Variants in DRC8 observed in about 807,000 individuals in gnomAD.
The protein encoded by DRC8 is dynein regulatory complex subunit 8.
the DRC8 span, chr1:245,082,059 G>A: frequency 6.4e-7 from 1 of 1,561,300 alleles, no homozygotes; most frequent in African/African-American, 1.3e-5. Context: ...TGACTAAATG[G>A]CTATTTACTT....
the DRC8 span, among the ~76,000 whole-genome samples, chr1:245,001,356 A>G: frequency 1.1e-4 from 17 of 152,282 alleles, no homozygotes; most frequent in Non-Finnish European, 1.2e-4. Flanking sequence ...GCCATGTTAT[A>G]CTAATACAGT....
the DRC8 span, among the ~76,000 whole-genome samples, chr1:245,100,495 C>T: frequency 6.6e-6 from 1 of 151,774 alleles, no homozygotes; most frequent in South Asian, 2.1e-4. Flanking sequence ...AAATACTATA[C>T]AGAGGCCTGG....
the DRC8 span, among the ~76,000 whole-genome samples, chr1:244,997,518 G>A: frequency 2.7e-5 from 4 of 146,348 alleles, no homozygotes; most frequent in African/African-American, 1.0e-4. Flanking sequence ...TTTGAAATTC[G>A]TGCCATCTTT....
chr1:245,057,521 T>G, the DRC8 span, among the ~76,000 whole-genome samples: 1 of 152,224 alleles, frequency 6.6e-6, no homozygotes, highest in African/African-American at 2.4e-5. Context: ...TGACAGTACA[T>G]TTCCATTTGC....
the DRC8 span, among the ~76,000 whole-genome samples, chr1:245,115,611 A>G: frequency 0.093 from 14,173 of 152,244 alleles, 901 homozygotes; most frequent in Admixed American, 0.2. Context: ...TTCCTTGAGC[A>G]TGGCACACCA....
the DRC8 span, chr1:245,122,673 G>A: frequency 6.6e-6 from 1 of 152,062 alleles, no homozygotes; most frequent in Non-Finnish European, 1.5e-5. Context: ...ATGTTGCTTA[G>A]GCTGGTCTCA....
chr1:245,099,220 C>A, the DRC8 span, among the ~76,000 whole-genome samples: 1 of 152,168 alleles, frequency 6.6e-6, no homozygotes, highest in South Asian at 2.1e-4. Flanking sequence ...CCTCCCCAGT[C>A]CACTGCTCCG....
At chr1:244,985,207 A>G in the DRC8 span, among the ~76,000 whole-genome samples, 23 of 151,904 alleles carry the variant, frequency 1.5e-4, no homozygotes, top group East Asian at 4.3e-3. Context: ...TAGCCTGCGC[A>G]CATATTGTTT....
the DRC8 span, chr1:245,086,951 C>T: frequency 1.9e-6 from 1 of 514,474 alleles, no homozygotes; most frequent in Non-Finnish European, 3.8e-6. Flanking sequence ...AATAAATAAC[C>T]TTGTTCATGA....
At chr1:244,978,632 G>A in the DRC8 span, among the ~76,000 whole-genome samples, 1 of 152,116 alleles carries the variant, frequency 6.6e-6, no homozygotes, top group Non-Finnish European at 1.5e-5. Flanking sequence ...TGGGACTGCA[G>A]GGGCGTGCCA....
the DRC8 span, among the ~76,000 whole-genome samples, chr1:245,039,810 A>G: frequency 6.6e-6 from 1 of 152,180 alleles, no homozygotes; most frequent in African/African-American, 2.4e-5. Context: ...AGATTGAGCC[A>G]GTATATTTTT....
chr1:244,970,678 C>A, the DRC8 span: 74 of 496,284 alleles, frequency 1.5e-4, no homozygotes, highest in Non-Finnish European at 3.8e-5. Flanking sequence ...CGCCCCGCCC[C>A]GCCTCTCTCC....
the DRC8 span, among the ~76,000 whole-genome samples, chr1:245,059,068 G>A: frequency 6.6e-6 from 1 of 152,204 alleles, no homozygotes; most frequent in Non-Finnish European, 1.5e-5. Context: ...CATTTTACAG[G>A]TGTGGAAACT....
At chr1:245,075,913 G>GT in the DRC8 span, among the ~76,000 whole-genome samples, 1 of 152,076 alleles carries the variant, frequency 6.6e-6, no homozygotes, top group Non-Finnish European at 1.5e-5. Flanking sequence ...CTTTTTTTCA[G>GT]TCCAAAGAGG....
chr1:244,975,300 C>T, the DRC8 span, among the ~76,000 whole-genome samples: 2 of 152,222 alleles, frequency 1.3e-5, no homozygotes, highest in Non-Finnish European at 2.9e-5. Context: ...CATGAGCCAC[C>T]CTGCCTGGCC....
the DRC8 span, among the ~76,000 whole-genome samples, chr1:245,067,729 C>T: frequency 6.6e-6 from 1 of 152,160 alleles, no homozygotes; most frequent in Non-Finnish European, 1.5e-5. Flanking sequence ...TGTGCCTGGA[C>T]TCTATCATTG....
At chr1:245,095,958 A>G in the DRC8 span, among the ~76,000 whole-genome samples, 1 of 152,170 alleles carries the variant, frequency 6.6e-6, no homozygotes, top group East Asian at 1.9e-4. Flanking sequence ...TTGCAATTAG[A>G]TAGGGAAAAA....
At chr1:245,080,315 T>C in the DRC8 span, among the ~76,000 whole-genome samples, 1 of 152,158 alleles carries the variant, frequency 6.6e-6, no homozygotes, top group Non-Finnish European at 1.5e-5. Flanking sequence ...TCCATCCAAG[T>C]CGAACCCACG....
chr1:244,998,360 C>G, the DRC8 span, among the ~76,000 whole-genome samples: 1 of 152,080 alleles, frequency 6.6e-6, no homozygotes, highest in Admixed American at 6.6e-5. Flanking sequence ...AGGTGTGCAC[C>G]ACTGCATTTG....
Sources: gnomAD v4.1 joint callset for allele counts (sites outside exome capture counted in the v4.1 genomes callset) on GRCh38, gnomAD v4.1.1 for gene constraint, MANE v1.5 for transcripts, NCBI Gene and HGNC (gene_info 2026-07-23, HGNC 2026-07-21) for gene names.